Variants in GAB2 observed in about 807,000 individuals in gnomAD.
GAB2 encodes the protein GRB2-associated-binding protein 2.
In GAB2, 26 loss-of-function variants were observed where a neutral mutation model predicts 65.5. The observed-to-expected ratio is 0.40, with a 90% CI of 0.29 to 0.55. The LOEUF is 0.55. Among genes scored for constraint, GAB2 ranks in the 20% least tolerant of loss-of-function variants. The pLI is 0.53. For missense variants in GAB2, 884 were observed against 875.8 expected (o/e 1.01, Z -0.12); for synonymous variants, 321 against 329.6 (o/e 0.97, Z 0.28).
At chr11:78,360,774 G>T (rs933144385) in intron 1 of GAB2, among the ~76,000 whole-genome samples, 2 of 152,048 alleles carry the variant, frequency 1.3e-5, no homozygotes, top group Non-Finnish European at 2.9e-5. Flanking sequence ...CTGGAGAATC[G>T]CTTGAACTTA....
At chr11:78,405,765 G>A (rs570787216) in intron 1 of GAB2, among the ~76,000 whole-genome samples, 55 of 152,198 alleles carry the variant, frequency 3.6e-4, no homozygotes, top group Non-Finnish European at 6.9e-4. Context: ...TAAATTCCAT[G>A]AGTTTTCTTT....
intron 1 of GAB2, among the ~76,000 whole-genome samples, chr11:78,289,115 A>G (rs925925899): frequency 6.6e-6 from 1 of 152,208 alleles, no homozygotes; most frequent in African/African-American, 2.4e-5. Flanking sequence ...CAATCAAGAA[A>G]ACAGCTAGTT....
intron 3 of GAB2, among the ~76,000 whole-genome samples, chr11:78,229,474 A>C (rs1013460344): frequency 6.6e-6 from 1 of 152,108 alleles, no homozygotes; most frequent in African/African-American, 2.4e-5. Context: ...CAACATACTC[A>C]AGAATGAACT....
chr11:78,324,262 A>G (rs558041806), intron 1 of GAB2, among the ~76,000 whole-genome samples: 127 of 152,284 alleles, frequency 8.3e-4, no homozygotes, highest in African/African-American at 3.0e-3. Flanking sequence ...CATGTAACAC[A>G]AGCTCCCTTC....
intron 1 of GAB2, among the ~76,000 whole-genome samples, chr11:78,392,829 C>A (rs1303419078): frequency 1.3e-5 from 2 of 152,194 alleles, no homozygotes; most frequent in Non-Finnish European, 2.9e-5. Context: ...CTTCACATCC[C>A]AGCTCAATTA....
At chr11:78,353,073 G>A (rs1258596234) in intron 1 of GAB2, among the ~76,000 whole-genome samples, 1 of 152,164 alleles carries the variant, frequency 6.6e-6, no homozygotes, top group African/African-American at 2.4e-5. Flanking sequence ...CATACCAGCA[G>A]CATGAGCATC....
chr11:78,315,946 C>G (rs1028183523), intron 1 of GAB2, among the ~76,000 whole-genome samples: 1 of 152,100 alleles, frequency 6.6e-6, no homozygotes, highest in African/African-American at 2.4e-5. Flanking sequence ...GGGCACCATC[C>G]TACTGCCTGT....
At chr11:78,255,871 CA>C (rs1288861995) in intron 2 of GAB2, among the ~76,000 whole-genome samples, 1 of 152,194 alleles carries the variant, frequency 6.6e-6, no homozygotes, top group Non-Finnish European at 1.5e-5. Flanking sequence ...ACAAAAGCGA[CA>C]TGGTGTGCTA....
intron 1 of GAB2, among the ~76,000 whole-genome samples, chr11:78,367,188 A>C (rs1856508376): frequency 6.6e-6 from 1 of 152,220 alleles, no homozygotes; most frequent in East Asian, 1.9e-4. Context: ...CAAGAGTCAC[A>C]AATACATTCT....
intron 1 of GAB2, among the ~76,000 whole-genome samples, chr11:78,378,344 A>G (rs1329192688): frequency 6.6e-6 from 1 of 152,180 alleles, no homozygotes. Flanking sequence ...CCTGGTATCT[A>G]GAAAATTTTC....
In GAB2 at chr11:78,251,149, G is replaced by GAA. The variant is rs368938627; in HGVS notation, c.377-751_377-750dup. On this transcript the variant is annotated intron_variant, in intron 2 of 9. Transcript: ENST00000361507. Reference sequence around the variant, plus strand: ...ATGAAATTTAAACATCTAATTACAGGAAAAAAAAAAGCTAAGGCTGGCTTT... The same window carrying GAA: ...ATGAAATTTAAACATCTAATTACAGGAAAAAAAAAAAAGCTAAGGCTGGCTTT... 2.3e-3 allele frequency among the ~76,000 whole-genome samples: 337 copies of GAA among 148,404 alleles called. 1 individual carries two copies. The highest frequency in any genetic ancestry group is 7.9e-3 in the African/African-American group (321 of 40,508).
intron 1 of GAB2, among the ~76,000 whole-genome samples, chr11:78,377,717 T>C (rs1204612411): frequency 6.6e-6 from 1 of 152,158 alleles, no homozygotes; most frequent in East Asian, 1.9e-4. Context: ...CACAGTATTG[T>C]AGCAAAGATT....
chr11:78,226,198 G>T lies in GAB2; in HGVS notation c.1207+267C>A, dbSNP rs1051662313. Among the ~76,000 whole-genome samples, 37 of 152,146 alleles carry T rather than the reference G, an allele frequency of 2.4e-4. No homozygotes were observed. The East Asian group carries it at 3.9e-3, about 16-fold the overall frequency. ...CTAAACCCATAATATGTTATACTGT[G>T]GTTAATCAAGAATGTCCTATTCTCC... On this transcript the variant is annotated intron_variant, in intron 4 of 9. Coordinates refer to ENST00000361507, the MANE Select transcript of GAB2 (RefSeq NM_080491.3).
intron 1 of GAB2, among the ~76,000 whole-genome samples, chr11:78,360,634 G>A (rs1254439191): frequency 6.6e-6 from 1 of 152,128 alleles, no homozygotes; most frequent in Admixed American, 6.6e-5. Context: ...GAGGCAGGTG[G>A]ATCGCCTGAG....
At chr11:78,356,007 T>C (rs1285788073) in intron 1 of GAB2, among the ~76,000 whole-genome samples, 1 of 151,866 alleles carries the variant, frequency 6.6e-6, no homozygotes, top group Non-Finnish European at 1.5e-5. Flanking sequence ...AGCCCGTCTC[T>C]AATAAAAATA....
intron 3 of GAB2, among the ~76,000 whole-genome samples, chr11:78,236,076 A>G (rs1590953907): frequency 6.6e-6 from 1 of 152,294 alleles, no homozygotes; most frequent in Non-Finnish European, 1.5e-5. Flanking sequence ...CTAGTTCATA[A>G]CTACTGTACA....
intron 1 of GAB2, among the ~76,000 whole-genome samples, chr11:78,289,410 GA>G (rs1000733359): frequency 1.3e-5 from 2 of 151,988 alleles, no homozygotes; most frequent in African/African-American, 4.8e-5. Context: ...AAAACGTTTA[GA>G]AAAAAAGGTG....
In GAB2 at chr11:78,227,631, C is replaced by CAAAAAAAAAAAAAAAAAAAAAAAA. The variant is rs55716895; in HGVS notation, c.621-581_621-580insTTTTTTTTTTTTTTTTTTTTTTTT. Among the ~76,000 whole-genome samples the CAAAAAAAAAAAAAAAAAAAAAAAA allele has an allele frequency of 1.8e-3, 188 of 106,042 alleles. 4 individuals carry two copies. The highest frequency in any genetic ancestry group is 6.4e-3 in the African/African-American group (175 of 27,516). 69.6% of individuals were successfully genotyped at this position (106,042 alleles called of 152,430 possible). ...GAACACAATAAGACTCCATTGCCAC[C>CAAAAAAAAAAAAAAAAAAAAAAAA]AAAAAAAAAAAAAAAAGAACTAGCT... is the stretch of plus-strand genomic sequence containing the variant. On this transcript the variant is annotated intron_variant, in intron 3 of 9. Coordinates refer to ENST00000361507, the MANE Select transcript of GAB2 (RefSeq NM_080491.3).
Position 78,220,309 on chromosome 11 carries a change from C to T in GAB2, c.1887+10G>A. 2 of 1,612,174 alleles carry T rather than the reference C, an allele frequency of 1.2e-6. No individual in the cohort carries two copies. Among genetic ancestry groups the T allele is most frequent in the Non-Finnish European group, 1.7e-6 (2 of 1,179,792 alleles). On this transcript the variant is annotated intron_variant, in intron 9 of 9. Coordinates refer to ENST00000361507, the MANE Select transcript of GAB2 (RefSeq NM_080491.3). ...AGCTCTTACTGCCCCCCCAACTCTA[C>T]TCCAGGCACCTTGCGGTGGGGGCTT...
Sources: gnomAD v4.1 joint callset for allele counts (sites outside exome capture counted in the v4.1 genomes callset) on GRCh38, gnomAD v4.1.1 for gene constraint, MANE v1.5 for transcripts, NCBI Gene and HGNC (gene_info 2026-07-23, HGNC 2026-07-21) for gene names.